Variants in PCNX2 observed in about 807,000 individuals in gnomAD.
PCNX2 encodes the protein pecanex-like protein 2.
PCNX2 carries 168 observed loss-of-function variants against 223.8 expected under a neutral mutation model. The ratio of observed to expected loss-of-function variants is 0.75; its 90% CI spans 0.66 to 0.85. The LOEUF (loss-of-function observed/expected upper bound fraction) is 0.85, where lower values mean the gene tolerates loss of function less well. PCNX2 is among the 40% of genes least tolerant of loss of function. The pLI, the probability that PCNX2 is intolerant of heterozygous loss-of-function variation, is 0.00. For missense variants in PCNX2, 2,507 were observed against 2,675.5 expected, an observed-to-expected ratio of 0.94 and a Z score of 1.39; for synonymous variants, 1,006 against 1,052.6, an observed-to-expected ratio of 0.96 and a Z score of 0.86.
At position 233,200,154 on chromosome 1, in the gene PCNX2, C is replaced by T. The variant is rs1387349734; in HGVS notation, c.2974G>A (p.Ala992Thr). 1.9e-6 allele frequency: 3 copies of T among 1,569,030 alleles called. No individual in the cohort carries two copies. Among genetic ancestry groups the T allele is most frequent in the Non-Finnish European group, 2.6e-6 (3 of 1,153,268 alleles). ...QIDMLFFGGS[A>T]VSGITSAVYS... The stretch of plus-strand genomic sequence containing the variant: ...GAAGAATAGAATGTAAACGACTTAC[C>T]AGAACCACCAAAAAACAGCATGTCA... The change falls in exon 14 of 34, where the codon GCT (alanine) becomes ACT (threonine). Residue 992 changes from alanine (A) to threonine (T), a missense_variant and splice_region_variant. This residue lies in a region of PCNX2 where 1,372 missense variants were observed against 1,509.4 expected (regional missense o/e 0.91). Transcript: ENST00000258229.
At chr1:233,199,451 A>ATGTGTG (rs138018059) in intron 14 of PCNX2, among the ~76,000 whole-genome samples, 1 of 150,060 alleles carries the variant, frequency 6.7e-6, no homozygotes, top group Non-Finnish European at 1.5e-5. Context: ...TATGTAGTGT[A>ATGTGTG]TGTGTGTGTG....
At chr1:233,071,739 T>C (rs1333395798) in intron 23 of PCNX2, among the ~76,000 whole-genome samples, 2 of 152,212 alleles carry the variant, frequency 1.3e-5, no homozygotes, top group Admixed American at 1.3e-4. Flanking sequence ...TTCCATATGG[T>C]TGAACTAATT....
intron 15 of PCNX2, among the ~76,000 whole-genome samples, chr1:233,188,367 C>T (rs368393479): frequency 1.3e-5 from 2 of 152,162 alleles, no homozygotes; most frequent in East Asian, 3.9e-4. Flanking sequence ...CCTCCATCAG[C>T]AGTTAATAAC....
chr1:233,013,578 C>T (rs1670550246), intron 28 of PCNX2, among the ~76,000 whole-genome samples: 1 of 152,148 alleles, frequency 6.6e-6, no homozygotes, highest in Non-Finnish European at 1.5e-5. Context: ...ACAATCCCAC[C>T]TAACGTCACA....
chr1:233,021,140 G>A (rs1297088582), intron 26 of PCNX2, among the ~76,000 whole-genome samples: 1 of 152,024 alleles, frequency 6.6e-6, no homozygotes, highest in Non-Finnish European at 1.5e-5. Context: ...ATGAGTGCAG[G>A]TTCCAAGCCA....
At chr1:233,130,297 C>T (rs958915889) in intron 21 of PCNX2, among the ~76,000 whole-genome samples, 1 of 152,208 alleles carries the variant, frequency 6.6e-6, no homozygotes, top group African/African-American at 2.4e-5. Flanking sequence ...GGACACACTC[C>T]TACCCCCTCA....
Position 233,065,942 on chromosome 1 carries a change from A to G in PCNX2, c.4077-8652T>C, listed in dbSNP as rs554697755. On this transcript the variant is annotated intron_variant, in intron 23 of 33. Transcript: ENST00000258229. ...CTGAAAACCAAGCTGCCAGTTCTAG[A>G]TAAAGTCCCCAACTGCAGTGAGAAC... 2.4e-4 allele frequency among the ~76,000 whole-genome samples: 36 copies of G among 152,284 alleles called. No homozygotes were observed. In the South Asian group the frequency reaches 4.1e-3, roughly 18 times the overall value.
intron 8 of PCNX2, among the ~76,000 whole-genome samples, chr1:233,247,385 T>C (rs1659185860): frequency 6.6e-6 from 1 of 152,230 alleles, no homozygotes; most frequent in Admixed American, 6.5e-5. Context: ...GCAAACCATG[T>C]GTATTATTTC....
intron 8 of PCNX2, among the ~76,000 whole-genome samples, chr1:233,246,908 C>G (rs1021647841): frequency 6.6e-6 from 1 of 152,222 alleles, no homozygotes; most frequent in African/African-American, 2.4e-5. Flanking sequence ...TGAGAATTTT[C>G]CTTTCAGATA....
At chr1:233,209,291 T>C (rs1413585410) in intron 12 of PCNX2, among the ~76,000 whole-genome samples, 1 of 152,212 alleles carries the variant, frequency 6.6e-6, no homozygotes, top group Non-Finnish European at 1.5e-5. Flanking sequence ...TACCAAATAT[T>C]TAGCAGACCT....
upstream of PCNX2, among the ~76,000 whole-genome samples, chr1:233,300,015 A>ATGAAGAAACATGCAGTATGCAAAG (rs1662234212): frequency 6.6e-6 from 1 of 152,196 alleles, no homozygotes; most frequent in Non-Finnish European, 1.5e-5. Context: ...CTGAAAACCC[A>ATGAAGAAACATGCAGTATGCAAAG]AAGTGCTTGT....
chr1:233,319,294 C>T, the PCNX2 span, among the ~76,000 whole-genome samples: 1 of 152,208 alleles, frequency 6.6e-6, no homozygotes, highest in South Asian at 2.1e-4. Context: ...ACCACCAATT[C>T]CCGTGGCAAC....
At chr1:233,102,441 T>C (rs1674539647) in intron 21 of PCNX2, among the ~76,000 whole-genome samples, 1 of 152,190 alleles carries the variant, frequency 6.6e-6, no homozygotes, top group African/African-American at 2.4e-5. Context: ...TTTTAGCTTT[T>C]TGAGGACCCT....
chr1:233,103,788 G>A (rs1165069121), intron 21 of PCNX2, among the ~76,000 whole-genome samples: 1 of 152,048 alleles, frequency 6.6e-6, no homozygotes, highest in Non-Finnish European at 1.5e-5. Context: ...CCTTCTTTGG[G>A]GGCATACAGC....
chr1:232,988,072 C>T (rs573356708), intron 32 of PCNX2, among the ~76,000 whole-genome samples: 1 of 152,328 alleles, frequency 6.6e-6, no homozygotes, highest in South Asian at 2.1e-4. Flanking sequence ...GAATATATTC[C>T]TCTTACAGAG....
Position 233,258,991 on chromosome 1 carries a change from G to C in PCNX2, c.871C>G (p.Pro291Ala), listed in dbSNP as rs779472028. The change falls in exon 5 of 34, where the codon CCC becomes GCC. Residue 291 changes from proline to alanine, a missense_variant. Physicochemically the swap from Pro to Ala is conservative, Grantham distance 27. Coordinates refer to ENST00000258229, the MANE Select transcript of PCNX2 (RefSeq NM_014801.4). ...SVLIPEPVSCPRGSIRERVQS... is the reference protein window; with the variant it reads ...SVLIPEPVSCARGSIRERVQS... ...ACCCGTTCCCTTATGGAGCCCCGGG[G>C]ACAACTGACAGGTTCTGGAATCAGG... 1 of 1,613,904 alleles carries C rather than the reference G, an allele frequency of 6.2e-7. No individual in the cohort carries two copies. The highest frequency in any genetic ancestry group is 1.7e-4 in the Middle Eastern group (1 of 6,060).
At chr1:233,072,885 T>C (rs983096212) in intron 23 of PCNX2, among the ~76,000 whole-genome samples, 2 of 152,214 alleles carry the variant, frequency 1.3e-5, no homozygotes, top group African/African-American at 4.8e-5. Flanking sequence ...AGGATGATAC[T>C]GGCCCCACAG....
At chr1:233,320,761 A>G in the PCNX2 span, among the ~76,000 whole-genome samples, 168 of 152,320 alleles carry the variant, frequency 1.1e-3, no homozygotes, top group African/African-American at 3.6e-3. Context: ...TCTCTGAGCT[A>G]TTTAGATTTT....
At chr1:232,989,732 C>CTAAT (rs1669629042) in intron 32 of PCNX2, among the ~76,000 whole-genome samples, 1 of 152,234 alleles carries the variant, frequency 6.6e-6, no homozygotes, top group Non-Finnish European at 1.5e-5. Flanking sequence ...GATGCCAAAA[C>CTAAT]GCTGATTAGA....
Sources: gnomAD v4.1 joint callset for allele counts (sites outside exome capture counted in the v4.1 genomes callset) on GRCh38, gnomAD v4.1.1 for gene constraint, gnomAD v4.1.1 regional missense constraint, MANE v1.5 for transcripts, NCBI Gene and HGNC (gene_info 2026-07-23, HGNC 2026-07-21) for gene names.